PRSS55: variants seen among roughly 807,000 people sequenced by gnomAD.
PRSS55 encodes the protein probable serine protease UNQ9391/PRO34284.
PRSS55 carries 41 observed loss-of-function variants against 23.6 expected under a neutral mutation model. That is an observed-to-expected ratio of 1.74 (90% CI 1.35 to 2.26). PRSS55 has a LOEUF of 2.26. PRSS55 is among the 30% of genes most tolerant of loss of function. The probability of loss-of-function intolerance (pLI) is 0.00; values close to 1 mark genes in which losing one functional copy is unlikely to be tolerated. For synonymous variants in PRSS55, 262 were observed against 175.5 expected, an observed-to-expected ratio of 1.49 and a Z score of -3.90; for missense variants, 669 against 439.1, an observed-to-expected ratio of 1.52 and a Z score of -4.68.
intron 1 of PRSS55, among the ~76,000 whole-genome samples, chr8:10,528,898 C>G (rs976877561): frequency 2.0e-5 from 3 of 152,158 alleles, no homozygotes; most frequent in South Asian, 4.1e-4. Context: ...ATCTTCAAAG[C>G]CAGCTATGTT....
At position 10,525,680 on chromosome 8, in the gene PRSS55, T is replaced by C; in HGVS notation, c.95T>C (p.Leu32Pro). The change falls in exon 1 of 5, where the codon CTA becomes CCA. Residue 32 changes from leucine to proline, a missense_variant. Transcript: ENST00000328655. The part of the protein sequence containing the change: ...TPLPEAGVAI[L>P]GRARGAHRPQ... ...CTCCCAGAGGCTGGAGTGGCTATCCTAGGCAGGGCTAGGGGAGCCCACCGC... is the reference window on the plus strand; with the variant it reads ...CTCCCAGAGGCTGGAGTGGCTATCCCAGGCAGGGCTAGGGGAGCCCACCGC... 2 of 1,613,936 alleles carry C rather than the reference T, an allele frequency of 1.2e-6. No individual in the cohort carries two copies. Among genetic ancestry groups the C allele is most frequent in the Non-Finnish European group, 8.5e-7 (1 of 1,179,952 alleles).
At chr8:10,542,044 TGTGATGACAGGCATTAA>T (rs1812670686), downstream of PRSS55, among the ~76,000 whole-genome samples, 2 of 152,356 alleles carry the variant, frequency 1.3e-5, no homozygotes, top group Non-Finnish European at 1.5e-5. Flanking sequence ...CCCAAAGTGC[TGTGATGACAGGCATTAA>T]GTCACCGCAC....
At chr8:10,537,945 T>C (rs1229015468) in intron 4 of PRSS55, among the ~76,000 whole-genome samples, 1 of 152,122 alleles carries the variant, frequency 6.6e-6, no homozygotes, top group Admixed American at 6.5e-5. Context: ...TGGATAACTA[T>C]GCGAGTCACA....
chr8:10,534,303 C>A (rs1471936067), intron 4 of PRSS55, among the ~76,000 whole-genome samples: 1 of 152,154 alleles, frequency 6.6e-6, no homozygotes, highest in African/African-American at 2.4e-5. Context: ...GGCTGGAGAT[C>A]CTCAGGTATT....
Position 10,537,357 on chromosome 8 carries a change from T to A in PRSS55, c.742-1119T>A, listed in dbSNP as rs998507672. Among the ~76,000 whole-genome samples, 6 of 152,006 alleles carry A rather than the reference T, an allele frequency of 3.9e-5. 1 individual carries two copies. The highest frequency in any genetic ancestry group is 2.0e-4 in the Admixed American group (3 of 15,256). ...TAGAACTGGAGGACATTACATTAAG[T>A]AAAATAAGCCAGGTACAGAAAGACA... On this transcript the variant is annotated intron_variant, in intron 4 of 4. Coordinates refer to ENST00000328655, the MANE Select transcript of PRSS55 (RefSeq NM_198464.4).
chr8:10,540,241 G>T (rs1764703418), downstream of PRSS55: 1 of 152,310 alleles, frequency 6.6e-6, no homozygotes, highest in African/African-American at 2.4e-5. Context: ...ACGTGTTCCT[G>T]TCTTCCCCTC....
intron 1 of PRSS55, 22 bp from the exon 2 acceptor site, chr8:10,529,485 C>T (rs1461474318): frequency 6.2e-7 from 1 of 1,612,490 alleles, no homozygotes; most frequent in African/African-American, 1.3e-5. Context: ...CTTTTCCTTT[C>T]CACTCTCTTT....
At chr8:10,526,557 G>A (rs1170429270) in intron 1 of PRSS55, among the ~76,000 whole-genome samples, 4 of 152,214 alleles carry the variant, frequency 2.6e-5, no homozygotes, top group Admixed American at 6.5e-5. Context: ...ATGCGTGATC[G>A]CTCAGATCAC....
At chr8:10,543,463 C>CCTTCCTTCCTTCCTTCCTTT (rs71203336), downstream of PRSS55, among the ~76,000 whole-genome samples, 14 of 49,734 alleles carry the variant, frequency 2.8e-4, no homozygotes, top group East Asian at 5.6e-4. Flanking sequence ...TTCCTTCCTT[C>CCTTCCTTCCTTCCTTCCTTT]CTTTCTTTCT....
downstream of PRSS55, chr8:10,540,840 G>A (rs1435530159): frequency 6.6e-6 from 1 of 152,254 alleles, no homozygotes; most frequent in African/African-American, 2.4e-5. Context: ...TAAGAACCTG[G>A]GACTCAGGCA....
At position 10,552,574 on chromosome 8, in the gene PRSS55, G is replaced by A. The variant is rs1053224026; in HGVS notation, c.742-1369G>A. Reference sequence around the variant, plus strand: ...ATATACAAAAAACCCAAACAACTCAGTAGTAAGAAAACAAATAACCCAATT... The same window carrying A: ...ATATACAAAAAACCCAAACAACTCAATAGTAAGAAAACAAATAACCCAATT... On this transcript the variant is annotated intron_variant, in intron 4 of 4. Transcript: ENST00000522210. Among the ~76,000 whole-genome samples the A allele has an allele frequency of 3.9e-5, 6 of 152,140 alleles. No homozygotes were observed. The East Asian group carries it at 7.7e-4, about 19-fold the overall frequency.
intron 4 of PRSS55, among the ~76,000 whole-genome samples, chr8:10,546,765 C>A (rs1157274118): frequency 3.3e-5 from 5 of 152,242 alleles, no homozygotes; most frequent in African/African-American, 1.2e-4. Context: ...CCCACTGAAG[C>A]CTCACCCTTC....
rs1478625127 is a variant in PRSS55 at position 10,525,742 on chromosome 8, G to A, written c.154+3G>A. On this transcript the variant is annotated splice_donor_region_variant and intron_variant, in intron 1 of 4. Coordinates refer to ENST00000328655, the MANE Select transcript of PRSS55 (RefSeq NM_198464.4). The stretch of plus-strand genomic sequence containing the variant: ...TCATCCCCCCAGCCCAGTCAGTGGT[G>A]AGTACAGGGGCAGAAGGGGCATGGA... 1 of 1,599,506 alleles carries A rather than the reference G, an allele frequency of 6.3e-7. No individual in the cohort carries two copies. Among genetic ancestry groups the A allele is most frequent in the Non-Finnish European group, 8.5e-7 (1 of 1,173,034 alleles).
intron 4 of PRSS55, among the ~76,000 whole-genome samples, chr8:10,548,533 G>A (rs962827346): frequency 2.0e-5 from 3 of 152,196 alleles, no homozygotes; most frequent in African/African-American, 7.2e-5. Context: ...CTGGGAGACG[G>A]TTTCCCTCAC....
chr8:10,544,103 C>G (rs1812748243), intron 4 of PRSS55, among the ~76,000 whole-genome samples: 1 of 151,918 alleles, frequency 6.6e-6, no homozygotes, highest in Admixed American at 6.6e-5. Context: ...TTGTTCTATC[C>G]ATTATTTAAC....
chr8:10,531,645 C>G, intron 3 of PRSS55, 100 bp downstream of exon 3: 1 of 1,505,064 alleles, frequency 6.6e-7, no homozygotes, highest in Non-Finnish European at 8.9e-7. Flanking sequence ...TGCATTGGAG[C>G]AGATTCCCGC....
intron 4 of PRSS55, among the ~76,000 whole-genome samples, chr8:10,548,825 A>C (rs1160473483): frequency 6.6e-6 from 1 of 151,988 alleles, no homozygotes; most frequent in Non-Finnish European, 1.5e-5. Flanking sequence ...CCTTTTATTA[A>C]AGCATCTCCC....
At chr8:10,538,390 G>C in intron 4 of PRSS55, 86 bp from the exon 5 acceptor site, 1 of 1,079,916 alleles carries the variant, frequency 9.3e-7, no homozygotes, top group Non-Finnish European at 1.3e-6. Flanking sequence ...GGGAGGCTGA[G>C]GAATCTTCCA....
chr8:10,537,797 T>A (rs921788982), intron 4 of PRSS55, among the ~76,000 whole-genome samples: 2 of 152,158 alleles, frequency 1.3e-5, no homozygotes, highest in South Asian at 4.2e-4. Flanking sequence ...CAGTCTACCA[T>A]AGAACCCTCA....
Sources: gnomAD v4.1 joint callset for allele counts (sites outside exome capture counted in the v4.1 genomes callset) on GRCh38, gnomAD v4.1.1 for gene constraint, MANE v1.5 for transcripts, NCBI Gene and HGNC (gene_info 2026-07-23, HGNC 2026-07-21) for gene names.